The following BNC2 variants were observed in gnomAD, a reference collection of about 807,000 sequenced individuals.
BNC2 encodes the protein zinc finger protein basonuclin-2.
BNC2 carries 20 observed loss-of-function variants against 76.3 expected under a neutral mutation model. That is an observed-to-expected ratio of 0.26 (90% CI 0.18 to 0.38). The LOEUF (loss-of-function observed/expected upper bound fraction) is 0.38, where lower values mean the gene tolerates loss of function less well. Among genes scored for constraint, BNC2 ranks in the 10% least tolerant of loss-of-function variants. The pLI, the probability that BNC2 is intolerant of heterozygous loss-of-function variation, is 1.00. For missense variants in BNC2, 1,382 were observed against 1,399.8 expected, an observed-to-expected ratio of 0.99 and a Z score of 0.20; for synonymous variants, 582 against 514.8, an observed-to-expected ratio of 1.13 and a Z score of -1.77.
chr9:16,749,931 G>T (rs1825137912), intron 1 of BNC2, among the ~76,000 whole-genome samples: 1 of 152,058 alleles, frequency 6.6e-6, no homozygotes, highest in African/African-American at 2.4e-5. Context: ...TAGGGGATTT[G>T]TTTGTATTCA....
At chr9:16,609,748 A>G (rs1820490617) in intron 3 of BNC2, among the ~76,000 whole-genome samples, 1 of 152,180 alleles carries the variant, frequency 6.6e-6, no homozygotes, top group South Asian at 2.1e-4. Flanking sequence ...CTGGACTTCC[A>G]GAAAGATCAC....
chr9:16,452,193 T>A (rs1321413370), intron 5 of BNC2, among the ~76,000 whole-genome samples: 1 of 152,210 alleles, frequency 6.6e-6, no homozygotes. Flanking sequence ...CATTGTTTTT[T>A]CCCCTGCAAG....
intron 5 of BNC2, among the ~76,000 whole-genome samples, chr9:16,467,657 G>A (rs554258573): frequency 2.8e-5 from 4 of 142,740 alleles, no homozygotes; most frequent in African/African-American, 1.1e-4. Context: ...ACAGGAAGGG[G>A]AATATCACAC....
intron 1 of BNC2, among the ~76,000 whole-genome samples, chr9:16,766,856 G>A (rs1825709159): frequency 6.6e-6 from 1 of 152,086 alleles, no homozygotes; most frequent in African/African-American, 2.4e-5. Flanking sequence ...CTCACAAAAA[G>A]CTGGCTGGAG....
chr9:16,729,389 C>T (rs1285508807), intron 2 of BNC2, among the ~76,000 whole-genome samples: 1 of 152,142 alleles, frequency 6.6e-6, no homozygotes, highest in Non-Finnish European at 1.5e-5. Context: ...AACAATAAAC[C>T]TTACTCTCTG....
At chr9:16,519,131 C>T (rs1817537058) in intron 5 of BNC2, among the ~76,000 whole-genome samples, 1 of 152,174 alleles carries the variant, frequency 6.6e-6, no homozygotes. Flanking sequence ...CCTACCTTCT[C>T]AGCTGTCATT....
At chr9:16,716,821 G>C (rs577875870) in intron 3 of BNC2, among the ~76,000 whole-genome samples, 28 of 152,290 alleles carry the variant, frequency 1.8e-4, no homozygotes, top group African/African-American at 6.7e-4. Flanking sequence ...CCGAAAGGAA[G>C]CATTTTTCTT....
chr9:16,713,603 G>A (rs1823912023), intron 3 of BNC2, among the ~76,000 whole-genome samples: 1 of 152,064 alleles, frequency 6.6e-6, no homozygotes, highest in Admixed American at 6.6e-5. Flanking sequence ...GATGGTTGGT[G>A]CCACTGTCAT....
In BNC2 at chr9:16,502,397, A is replaced by AT. The variant is rs536574151; in HGVS notation, c.669+50132dup. ...AAGTTTTGAATATAGGATTGGGTTA[A>AT]TTTTTTTTTTTAACACAGGCTTTCC... On this transcript the variant is annotated intron_variant, in intron 5 of 6. Transcript: ENST00000380672. 5.5e-3 allele frequency among the ~76,000 whole-genome samples: 814 copies of AT among 148,758 alleles called. 6 individuals carry two copies. Among genetic ancestry groups the AT allele is most frequent in the Middle Eastern group, 0.021 (6 of 292 alleles).
At chr9:16,846,011 G>C (rs918205109) in intron 1 of BNC2, among the ~76,000 whole-genome samples, 9 of 151,862 alleles carry the variant, frequency 5.9e-5, no homozygotes, top group African/African-American at 1.2e-4. Flanking sequence ...TTAGCTGGCC[G>C]CGGTGGCGGG....
chr9:16,782,552 C>G (rs1257764171), intron 1 of BNC2, among the ~76,000 whole-genome samples: 1 of 151,922 alleles, frequency 6.6e-6, no homozygotes, highest in Non-Finnish European at 1.5e-5. Context: ...TTCTTTGTAC[C>G]AGAAGCATTT....
intron 3 of BNC2, among the ~76,000 whole-genome samples, chr9:16,601,609 C>T (rs1342113091): frequency 2.6e-5 from 4 of 152,166 alleles, no homozygotes; most frequent in Non-Finnish European, 5.9e-5. Context: ...CTACTACACA[C>T]TCCTGAGCCT....
At chr9:16,828,921 G>A (rs917419936) in intron 1 of BNC2, among the ~76,000 whole-genome samples, 51 of 149,854 alleles carry the variant, frequency 3.4e-4, no homozygotes, top group African/African-American at 1.2e-3. Flanking sequence ...GATGGACAGC[G>A]TATGACTAGA....
intron 1 of BNC2, among the ~76,000 whole-genome samples, chr9:16,789,999 T>C (rs1393310494): frequency 6.6e-6 from 1 of 152,178 alleles, no homozygotes; most frequent in Non-Finnish European, 1.5e-5. Flanking sequence ...GCTGAAATCA[T>C]GTGAAATGAT....
chr9:16,724,451 G>A (rs1177416459), intron 3 of BNC2, among the ~76,000 whole-genome samples: 1 of 151,984 alleles, frequency 6.6e-6, no homozygotes, highest in South Asian at 2.1e-4. Context: ...CTGATCCAAA[G>A]AAGAACTCCC....
Position 16,673,768 on chromosome 9 carries a change from C to T in BNC2, c.330+54029G>A, listed in dbSNP as rs1372546508. 2.0e-5 allele frequency among the ~76,000 whole-genome samples: 3 copies of T among 152,288 alleles called. No homozygotes were observed. In the East Asian group the frequency reaches 5.8e-4, roughly 29 times the overall value. The stretch of plus-strand genomic sequence containing the variant: ...TTCTGCATCCACATGCTTTAATTTA[C>T]ACAGCCAGACACCTACACTGCAGTA... On this transcript the variant is annotated intron_variant, in intron 3 of 6. Coordinates refer to ENST00000380672, the MANE Select transcript of BNC2 (RefSeq NM_017637.6).
At chr9:16,462,389 T>G (rs1311068352) in intron 5 of BNC2, among the ~76,000 whole-genome samples, 2 of 152,202 alleles carry the variant, frequency 1.3e-5, no homozygotes, top group African/African-American at 4.8e-5. Flanking sequence ...CCTATGCCTA[T>G]ACCTTCTCTA....
At chr9:16,711,823 A>T (rs542048650) in intron 3 of BNC2, among the ~76,000 whole-genome samples, 3 of 152,370 alleles carry the variant, frequency 2.0e-5, no homozygotes, top group South Asian at 4.1e-4. Flanking sequence ...ATTCAAAAAT[A>T]CTAAAAGGCA....
In BNC2 at chr9:16,473,012, A is replaced by G. The variant is rs115132894; in HGVS notation, c.670-35488T>C. On this transcript the variant is annotated intron_variant, in intron 5 of 6. Coordinates refer to ENST00000380672, the MANE Select transcript of BNC2 (RefSeq NM_017637.6). Reference sequence around the variant, plus strand: ...AGTCCCAAGGCACATCTAGACAGACAGGAGACAACAGTGGAAAAGGACACA... The same window carrying G: ...AGTCCCAAGGCACATCTAGACAGACGGGAGACAACAGTGGAAAAGGACACA... 2.5e-3 allele frequency among the ~76,000 whole-genome samples: 377 copies of G among 152,286 alleles called. 4 individuals carry two copies. The highest frequency in any genetic ancestry group is 8.4e-3 in the African/African-American group (349 of 41,574).
Sources: allele counts gnomAD v4.1 joint callset (sites outside exome capture counted in the v4.1 genomes callset), GRCh38; gene constraint gnomAD v4.1.1; transcripts MANE v1.5; gene names NCBI Gene and HGNC (gene_info 2026-07-23, HGNC 2026-07-21).